Variants in CBLB observed in about 807,000 individuals in gnomAD.
CBLB encodes Cbl proto-oncogene B.
Under a neutral mutation model 104.9 loss-of-function variants are expected in CBLB, and 31 were observed. The observed-to-expected ratio is 0.30, with a 90% CI of 0.22 to 0.40. The LOEUF is 0.40. CBLB is among the 10% of genes least tolerant of loss of function. The pLI, the probability that CBLB is intolerant of heterozygous loss-of-function variation, is 1.00. For missense variants in CBLB, 1,062 were observed against 1,214.6 expected (o/e 0.87, Z 1.87); for synonymous variants, 440 against 422.6 (o/e 1.04, Z -0.51).
At chr3:105,780,653 G>GTTGTTTTTTTTTTTTTTTT (rs1553788919) in intron 3 of CBLB, among the ~76,000 whole-genome samples, 1 of 84,688 alleles carries the variant, frequency 1.2e-5, no homozygotes, top group Non-Finnish European at 2.6e-5. Context: ...TAAAAGTTTT[G>GTTGTTTTTTTTTTTTTTTT]TTTTTTGTTT....
chr3:105,658,502 C>A lies in CBLB; in HGVS notation c.*468G>T. 1 of 240,576 alleles carries A rather than the reference C, an allele frequency of 4.2e-6. No homozygotes were observed. The highest frequency in any genetic ancestry group is 1.4e-4 in the South Asian group (1 of 7,026). 14.9% of individuals were successfully genotyped at this position (240,576 alleles called of 1,614,324 possible). The stretch of plus-strand genomic sequence containing the variant: ...GGCAAGGCATGGGGATGGTAGAGAT[C>A]CATATGAATAAATGATTTAGCTGTT... On this transcript the variant is annotated 3_prime_UTR_variant, in exon 19 of 19. Transcript: ENST00000394030.
chr3:105,718,035 C>G (rs2152820934), intron 10 of CBLB, among the ~76,000 whole-genome samples: 1 of 152,260 alleles, frequency 6.6e-6, no homozygotes, highest in Non-Finnish European at 1.5e-5. Context: ...GCCATTACTA[C>G]TCTGTAGCAG....
chr3:105,762,351 G>A (rs1422244204), intron 4 of CBLB: 1 of 152,194 alleles, frequency 6.6e-6, no homozygotes, highest in Non-Finnish European at 1.5e-5. Flanking sequence ...ATGTCTCCAG[G>A]GCATGTCAGA....
intron 3 of CBLB, among the ~76,000 whole-genome samples, chr3:105,780,653 G>GTTTTTTTTTTTTTTTTTT (rs1245925965): frequency 9.4e-5 from 8 of 84,684 alleles, no homozygotes; most frequent in Admixed American, 3.9e-4. Context: ...TAAAAGTTTT[G>GTTTTTTTTTTTTTTTTTT]TTTTTTGTTT....
chr3:105,785,774 T>C (rs1389552900), intron 3 of CBLB, among the ~76,000 whole-genome samples: 1 of 152,206 alleles, frequency 6.6e-6, no homozygotes, highest in African/African-American at 2.4e-5. Context: ...TTTTTCTACC[T>C]CTTCCCCAGG....
At chr3:105,721,012 T>A (rs2072738782) in intron 9 of CBLB, among the ~76,000 whole-genome samples, 1 of 152,206 alleles carries the variant, frequency 6.6e-6, no homozygotes, top group African/African-American at 2.4e-5. Flanking sequence ...CTAACTACAT[T>A]AAAAATTCAC....
chr3:105,818,392 A>T (rs564882685), intron 3 of CBLB, among the ~76,000 whole-genome samples: 1 of 152,278 alleles, frequency 6.6e-6, no homozygotes, highest in South Asian at 2.1e-4. Flanking sequence ...TAGGGCAACT[A>T]GAAGGACATT....
intron 14 of CBLB, among the ~76,000 whole-genome samples, chr3:105,683,593 A>T (rs569901153): frequency 3.2e-4 from 49 of 152,326 alleles, no homozygotes; most frequent in African/African-American, 1.2e-3. Flanking sequence ...GACCAAAAAA[A>T]GCTCATCCTA....
At chr3:105,754,015 G>A (rs1008970947) in intron 4 of CBLB, among the ~76,000 whole-genome samples, 1 of 152,128 alleles carries the variant, frequency 6.6e-6, no homozygotes, top group Admixed American at 6.5e-5. Context: ...ATTAGTGGTA[G>A]TAATAGGGAT....
intron 12 of CBLB, among the ~76,000 whole-genome samples, chr3:105,695,374 T>C (rs988433890): frequency 1.3e-5 from 2 of 151,814 alleles, no homozygotes; most frequent in East Asian, 1.9e-4. Flanking sequence ...CTCAAACATT[T>C]ACTGGTATTG....
At chr3:105,737,372 G>T (rs1200022095) in intron 7 of CBLB, 114 bp from the exon 8 acceptor site, 5 of 533,732 alleles carry the variant, frequency 9.4e-6, no homozygotes, top group Non-Finnish European at 1.7e-5. Context: ...TCCTTTTCAT[G>T]TAACATATCA....
At position 105,754,631 on chromosome 3, in the gene CBLB, T is replaced by C. The variant is rs1423483358; in HGVS notation, c.567-3013A>G. ...TCTTTCAATATATTCTATTGACCCT[T>C]ACAATTATAAACCACTTAAGTTGCA... On this transcript the variant is annotated intron_variant, in intron 4 of 18. Transcript: ENST00000394030. 2.0e-5 allele frequency among the ~76,000 whole-genome samples: 3 copies of C among 151,826 alleles called. No homozygotes were observed. The East Asian group carries it at 5.8e-4, about 29-fold the overall frequency.
At chr3:105,699,031 A>G (rs1437648796) in intron 12 of CBLB, among the ~76,000 whole-genome samples, 1 of 151,878 alleles carries the variant, frequency 6.6e-6, no homozygotes. Flanking sequence ...CCACACTCAA[A>G]CCCAAGCACA....
At chr3:105,831,034 C>T (rs1289403889) in intron 3 of CBLB, among the ~76,000 whole-genome samples, 2 of 152,140 alleles carry the variant, frequency 1.3e-5, no homozygotes, top group Non-Finnish European at 2.9e-5. Context: ...TACGAAATTG[C>T]ATGGTAACCA....
chr3:105,717,641 G>C (rs554129747), intron 10 of CBLB, among the ~76,000 whole-genome samples: 1 of 152,086 alleles, frequency 6.6e-6, no homozygotes, highest in Non-Finnish European at 1.5e-5. Flanking sequence ...TTTCAGAAGA[G>C]GAAATCAGGC....
intron 3 of CBLB, among the ~76,000 whole-genome samples, chr3:105,783,795 A>C (rs897314681): frequency 1.3e-5 from 2 of 152,208 alleles, no homozygotes; most frequent in Non-Finnish European, 2.9e-5. Flanking sequence ...TAGCTACAGC[A>C]GAGTGAAGGT....
intron 9 of CBLB, among the ~76,000 whole-genome samples, chr3:105,726,008 C>T (rs559558863): frequency 5.3e-5 from 8 of 152,218 alleles, no homozygotes; most frequent in African/African-American, 1.2e-4. Context: ...CCCGCCACCA[C>T]GCCCAGTTAT....
chr3:105,689,642 C>T (rs1395246057), intron 13 of CBLB, among the ~76,000 whole-genome samples: 1 of 143,688 alleles, frequency 7.0e-6, no homozygotes, highest in Non-Finnish European at 1.6e-5. Context: ...TAAATATTTC[C>T]TTAACTATTC....
intron 3 of CBLB, among the ~76,000 whole-genome samples, chr3:105,818,436 T>C (rs1477995449): frequency 6.6e-6 from 1 of 152,116 alleles, no homozygotes; most frequent in Non-Finnish European, 1.5e-5. Context: ...ATGTTAATAA[T>C]ATTCCCTACT....
Sources: allele counts gnomAD v4.1 joint callset (sites outside exome capture counted in the v4.1 genomes callset), GRCh38; gene constraint gnomAD v4.1.1; transcripts MANE v1.5; gene names NCBI Gene and HGNC (gene_info 2026-07-23, HGNC 2026-07-21).